The following NRXN3 variants were observed in gnomAD, a reference collection of about 807,000 sequenced individuals.
NRXN3 encodes the protein neurexin 3.
A neutral mutation model predicts 137.6 loss-of-function variants in NRXN3; 32 were observed. The observed-to-expected ratio is 0.23, with a 90% confidence interval of 0.18 to 0.31. The LOEUF is 0.31. NRXN3 is among the 10% of genes least tolerant of loss of function. The pLI, the probability that NRXN3 is intolerant of heterozygous loss-of-function variation, is 1.00. For synonymous variants in NRXN3, 798 were observed against 784.5 expected (o/e 1.02, Z -0.29); for missense variants, 1,574 against 2,062.5 (o/e 0.76, Z 4.59).
At position 79,559,480 on chromosome 14, in the gene NRXN3, T is replaced by A. The variant is rs183728854; in HGVS notation, c.3444+92078T>A. ...CAGTGGAGCAGTCAGAAAACACACA[T>A]TTATCAATCCAGTTTGGGCAAGGTG... On this transcript the variant is annotated intron_variant, in intron 16 of 20. Transcript: ENST00000335750. Among the ~76,000 whole-genome samples, 40 of 152,166 alleles carry A rather than the reference T, an allele frequency of 2.6e-4. No homozygotes were observed. In the East Asian group the frequency reaches 7.6e-3, roughly 29 times the overall value.
At chr14:78,217,688 G>A (rs2063432335) in intron 1 of NRXN3, among the ~76,000 whole-genome samples, 2 of 152,154 alleles carry the variant, frequency 1.3e-5, no homozygotes, top group Admixed American at 1.3e-4. Flanking sequence ...TTGAGATGGA[G>A]CCTTGCTCTG....
intron 15 of NRXN3, among the ~76,000 whole-genome samples, chr14:79,377,368 A>G (rs963775404): frequency 3.9e-5 from 6 of 152,218 alleles, no homozygotes; most frequent in African/African-American, 1.4e-4. Flanking sequence ...GTCAATATCC[A>G]TAGCATGACT....
chr14:79,165,655 G>C (rs1197731022), intron 15 of NRXN3, among the ~76,000 whole-genome samples: 1 of 152,016 alleles, frequency 6.6e-6, no homozygotes, highest in East Asian at 1.9e-4. Context: ...GCTTTTGACA[G>C]TTGGCTTTTC....
intron 15 of NRXN3, among the ~76,000 whole-genome samples, chr14:79,276,814 G>T (rs145437291): frequency 1.6e-4 from 24 of 151,908 alleles, no homozygotes; most frequent in Non-Finnish European, 3.1e-4. Context: ...CCAGACAAAC[G>T]CATCAGCAAA....
At chr14:79,543,118 C>T (rs993574000) in intron 16 of NRXN3, among the ~76,000 whole-genome samples, 1 of 152,088 alleles carries the variant, frequency 6.6e-6, no homozygotes, top group South Asian at 2.1e-4. Flanking sequence ...GTGACTCTGG[C>T]GATGTCAGTC....
chr14:79,392,014 T>C (rs1161806303), intron 15 of NRXN3, among the ~76,000 whole-genome samples: 1 of 152,178 alleles, frequency 6.6e-6, no homozygotes, highest in African/African-American at 2.4e-5. Flanking sequence ...TTTATTATAC[T>C]TTAAGTTCTG....
intron 15 of NRXN3, among the ~76,000 whole-genome samples, chr14:78,998,801 A>G (rs541293493): frequency 1.6e-5 from 2 of 128,696 alleles, no homozygotes; most frequent in East Asian, 4.5e-4. Context: ...ACGGGGTTTC[A>G]CCATGTTGGC....
In NRXN3 at chr14:79,114,493, A is replaced by C. The variant is rs2054061769; in HGVS notation, c.3262+126352A>C. ...TTTTAGTCATGTTTATGTACTCAGCATATTTTTTTAAAATAATATGATAAA... is the reference window on the plus strand; with the variant it reads ...TTTTAGTCATGTTTATGTACTCAGCCTATTTTTTTAAAATAATATGATAAA... On this transcript the variant is annotated intron_variant, in intron 15 of 20. Coordinates refer to ENST00000335750, the MANE Select transcript of NRXN3 (RefSeq NM_001330195.2). Among the ~76,000 whole-genome samples the C allele has an allele frequency of 2.0e-5, 3 of 152,200 alleles. No individual in the cohort carries two copies. In the South Asian group the frequency reaches 6.2e-4, roughly 32 times the overall value.
chr14:79,272,863 C>A (rs1186940718), intron 15 of NRXN3, among the ~76,000 whole-genome samples: 1 of 152,114 alleles, frequency 6.6e-6, no homozygotes, highest in Non-Finnish European at 1.5e-5. Context: ...ACAGATTTTG[C>A]ATTCCGTGAT....
intron 4 of NRXN3, among the ~76,000 whole-genome samples, chr14:78,410,061 G>T (rs1340155805): frequency 6.6e-6 from 1 of 152,176 alleles, no homozygotes; most frequent in African/African-American, 2.4e-5. Flanking sequence ...TCTAGGGGGA[G>T]ATATAACAGT....
chr14:78,714,930 G>A lies in NRXN3; in HGVS notation c.1835G>A (p.Arg612His). ...MLNYGYVGCI[R>H]DLFIDGRSKN... is the part of the protein sequence containing the mutation. ...AACTATGGCTACGTGGGCTGCATCC[G>A]CGACCTATTCATTGATGGGCGCAGC... is the stretch of plus-strand genomic sequence containing the variant. The change falls in exon 8 of 21, where the codon CGC becomes CAC. Residue 612 changes from arginine to histidine, a missense_variant. Transcript: ENST00000335750. 1 of 1,614,114 alleles carries A rather than the reference G, an allele frequency of 6.2e-7. No individual in the cohort carries two copies. Among genetic ancestry groups the A allele is most frequent in the Non-Finnish European group, 8.5e-7 (1 of 1,180,012 alleles).
chr14:79,085,126 C>G (rs2047859792), intron 15 of NRXN3, among the ~76,000 whole-genome samples: 1 of 152,014 alleles, frequency 6.6e-6, no homozygotes, highest in Non-Finnish European at 1.5e-5. Flanking sequence ...ATCCTAAGCA[C>G]TTATTTGAAT....
intron 4 of NRXN3, among the ~76,000 whole-genome samples, chr14:78,613,589 T>G (rs1269766128): frequency 4.5e-5 from 6 of 134,558 alleles, no homozygotes; most frequent in Non-Finnish European, 8.4e-5. Context: ...TTTTTTTTTT[T>G]TTTTTTTTTT....
intron 4 of NRXN3, among the ~76,000 whole-genome samples, chr14:78,577,757 G>T (rs547954518): frequency 2.0e-5 from 3 of 152,202 alleles, no homozygotes; most frequent in East Asian, 1.9e-4. Context: ...TTAATGTTGC[G>T]TACAGAAACT....
chr14:78,818,070 G>A (rs1290239095), intron 10 of NRXN3, among the ~76,000 whole-genome samples: 2 of 151,882 alleles, frequency 1.3e-5, no homozygotes, highest in Non-Finnish European at 2.9e-5. Flanking sequence ...AATAGAGGCA[G>A]TATATAGACT....
At chr14:78,705,056 G>A (rs911396855) in intron 6 of NRXN3, among the ~76,000 whole-genome samples, 1 of 152,168 alleles carries the variant, frequency 6.6e-6, no homozygotes, top group African/African-American at 2.4e-5. Flanking sequence ...ACAAGCCCAT[G>A]GGTGGGATAG....
At chr14:78,796,339 G>C (rs745388655) in intron 8 of NRXN3, among the ~76,000 whole-genome samples, 3 of 152,178 alleles carry the variant, frequency 2.0e-5, no homozygotes, top group Non-Finnish European at 2.9e-5. Flanking sequence ...GCCGCTATTT[G>C]TGCAACCAAC....
At chr14:79,030,149 A>G (rs2099605237) in intron 15 of NRXN3, among the ~76,000 whole-genome samples, 1 of 150,136 alleles carries the variant, frequency 6.7e-6, no homozygotes, top group Admixed American at 6.7e-5. Flanking sequence ...CCCAAAGAAT[A>G]GAATTGCAGG....
At chr14:78,942,312 C>T (rs2099354639) in intron 10 of NRXN3, among the ~76,000 whole-genome samples, 1 of 152,204 alleles carries the variant, frequency 6.6e-6, no homozygotes, top group Non-Finnish European at 1.5e-5. Context: ...CCTTCAGAAG[C>T]CCTGTCTCTG....
Sources: allele counts gnomAD v4.1 joint callset (sites outside exome capture counted in the v4.1 genomes callset), GRCh38; gene constraint gnomAD v4.1.1; transcripts MANE v1.5; gene names NCBI Gene and HGNC (gene_info 2026-07-23, HGNC 2026-07-21).